The following WDR72 variants were observed in gnomAD, a reference collection of about 807,000 sequenced individuals.
WDR72 encodes WD repeat domain 72.
A neutral mutation model predicts 124.2 loss-of-function variants in WDR72; 120 were observed. The ratio of observed to expected loss-of-function variants is 0.97; its 90% CI spans 0.83 to 1.12. WDR72 has a LOEUF of 1.12. Among genes scored for constraint, WDR72 ranks in the 50% most tolerant of loss-of-function variants. WDR72 has a pLI of 0.00. For missense variants in WDR72, 1,387 were observed against 1,278.8 expected, an observed-to-expected ratio of 1.08 and a Z score of -1.29; for synonymous variants, 452 against 441.7, an observed-to-expected ratio of 1.02 and a Z score of -0.29.
intron 2 of WDR72, among the ~76,000 whole-genome samples, chr15:53,731,011 G>A (rs190836245): frequency 7.2e-5 from 11 of 152,000 alleles, no homozygotes; most frequent in East Asian, 5.8e-4. Context: ...ATGGTTAGCC[G>A]TAGAAAATGT....
chr15:53,730,549 C>T (rs903012589), intron 2 of WDR72, among the ~76,000 whole-genome samples: 5 of 152,158 alleles, frequency 3.3e-5, no homozygotes, highest in African/African-American at 9.7e-5. Context: ...TACCTACATA[C>T]TTTTGGAGGG....
Position 53,616,207 on chromosome 15 carries a change from C to G in WDR72, c.1999G>C (p.Val667Leu). The G allele has an allele frequency of 6.2e-7, 1 of 1,604,258 alleles. No homozygotes were observed. The highest frequency in any genetic ancestry group is 1.3e-5 in the African/African-American group (1 of 74,940). The change falls in exon 15 of 20, where the codon GTC becomes CTC. Residue 667 changes from valine (V) to leucine (L), a missense_variant. Val to Leu is a conservative substitution (Grantham distance 32). Transcript: ENST00000360509. ...CTCCATTTTGTCTTCACAGGCAAGA[C>G]ATTAAAAGGTCTTGGGCAAAATTTG... is the stretch of plus-strand genomic sequence containing the variant. ...DAKFCPRPFN[V>L]LPVKTKWSNV...
intron 1 of WDR72, among the ~76,000 whole-genome samples, chr15:53,733,816 A>C (rs1384251275): frequency 6.6e-6 from 1 of 152,210 alleles, no homozygotes; most frequent in South Asian, 2.1e-4. Flanking sequence ...AGTATCAAAA[A>C]ATGTTATCTA....
intron 13 of WDR72, among the ~76,000 whole-genome samples, chr15:53,684,970 A>G (rs28840832): frequency 0.041 from 6,271 of 152,168 alleles, 251 homozygotes; most frequent in African/African-American, 0.099. Context: ...TCACAAGGCA[A>G]GGTATTCCAA....
intron 1 of WDR72, among the ~76,000 whole-genome samples, chr15:53,756,170 T>C (rs543805424): frequency 6.6e-6 from 1 of 152,138 alleles, no homozygotes; most frequent in East Asian, 1.9e-4. Flanking sequence ...CAGTGGGAGG[T>C]AATTGAATCA....
chr15:53,575,182 G>A (rs979267080), intron 18 of WDR72, among the ~76,000 whole-genome samples: 23 of 151,860 alleles, frequency 1.5e-4, no homozygotes, highest in African/African-American at 5.6e-4. Flanking sequence ...CGTATGTTCC[G>A]AACTCAACAT....
intron 14 of WDR72, among the ~76,000 whole-genome samples, chr15:53,625,826 A>C (rs60459339): frequency 0.068 from 10,328 of 152,130 alleles, 1,151 homozygotes; most frequent in African/African-American, 0.24. Context: ...ATAGGTGTGA[A>C]AGTACAAGTC....
chr15:53,572,736 G>A (rs139738691), intron 18 of WDR72, among the ~76,000 whole-genome samples: 7 of 152,264 alleles, frequency 4.6e-5, no homozygotes, highest in African/African-American at 1.7e-4. Flanking sequence ...TGCAGCCTAT[G>A]GCTGACTGAT....
intron 18 of WDR72, among the ~76,000 whole-genome samples, chr15:53,585,520 C>A (rs973630947): frequency 6.6e-6 from 1 of 152,000 alleles, no homozygotes; most frequent in East Asian, 1.9e-4. Context: ...CTATTGGGTA[C>A]TCACTTTCCT....
intron 9 of WDR72, among the ~76,000 whole-genome samples, chr15:53,706,360 A>G (rs1388085410): frequency 0.013 from 538 of 42,366 alleles, 3 homozygotes; most frequent in African/African-American, 0.037. Context: ...GTATATATAT[A>G]TATATATATA....
chr15:53,679,104 C>A (rs73410165), intron 13 of WDR72, among the ~76,000 whole-genome samples: 1 of 152,042 alleles, frequency 6.6e-6, no homozygotes, highest in Non-Finnish European at 1.5e-5. Flanking sequence ...CAACCCAGAA[C>A]AGGTAAATTC....
chr15:53,531,335 C>T (rs558510896), intron 18 of WDR72, among the ~76,000 whole-genome samples: 5 of 152,110 alleles, frequency 3.3e-5, no homozygotes, highest in African/African-American at 9.6e-5. Context: ...ACCCCCACAC[C>T]CTCCATATGC....
At chr15:53,747,516 CA>C (rs552265213) in intron 1 of WDR72, among the ~76,000 whole-genome samples, 31 of 152,286 alleles carry the variant, frequency 2.0e-4, no homozygotes, top group Non-Finnish European at 3.8e-4. Context: ...AGGAATTAAA[CA>C]AATGTGCAAA....
chr15:53,610,862 C>T (rs1005245431), intron 16 of WDR72, among the ~76,000 whole-genome samples: 7 of 151,994 alleles, frequency 4.6e-5, no homozygotes, highest in Non-Finnish European at 1.0e-4. Flanking sequence ...GTTTTTCCTC[C>T]CTCTCCCACT....
chr15:53,709,229 C>T (rs113986750), intron 9 of WDR72, among the ~76,000 whole-genome samples: 1 of 152,204 alleles, frequency 6.6e-6, no homozygotes, highest in Non-Finnish European at 1.5e-5. Flanking sequence ...GAAAGTCTGA[C>T]TTTATGCCCT....
At chr15:53,676,699 G>A (rs1001175753) in intron 13 of WDR72, among the ~76,000 whole-genome samples, 3 of 152,154 alleles carry the variant, frequency 2.0e-5, no homozygotes, top group African/African-American at 7.2e-5. Context: ...TTTGCCTCAT[G>A]AGATCCTAAA....
chr15:53,593,828 A>C (rs2012631379), intron 18 of WDR72, among the ~76,000 whole-genome samples: 2 of 152,178 alleles, frequency 1.3e-5, no homozygotes, highest in African/African-American at 4.8e-5. Flanking sequence ...GTATTTCAAC[A>C]CTTTTAATGA....
intron 18 of WDR72, among the ~76,000 whole-genome samples, chr15:53,553,840 A>T (rs1197144614): frequency 6.6e-6 from 1 of 152,192 alleles, no homozygotes; most frequent in Non-Finnish European, 1.5e-5. Context: ...TAACACAGTG[A>T]TGTAATTTGA....
chr15:53,686,652 C>T (rs1370923105), intron 13 of WDR72, among the ~76,000 whole-genome samples: 8 of 148,086 alleles, frequency 5.4e-5, no homozygotes, highest in East Asian at 3.9e-4. Flanking sequence ...GACAGATCAA[C>T]GAGACAGAAA....
Sources: gnomAD v4.1 joint callset for allele counts (sites outside exome capture counted in the v4.1 genomes callset) on GRCh38, gnomAD v4.1.1 for gene constraint, MANE v1.5 for transcripts, NCBI Gene and HGNC (gene_info 2026-07-23, HGNC 2026-07-21) for gene names.